NTM: variants seen among roughly 807,000 people sequenced by gnomAD.
The protein encoded by NTM is neurotrimin.
A neutral mutation model predicts 42.1 loss-of-function variants in NTM; 13 were observed. The observed-to-expected ratio is 0.31, with a 90% CI of 0.20 to 0.49. NTM has a LOEUF of 0.49. Ranked by LOEUF, NTM falls within the 20% of genes least tolerant of loss-of-function variation. The pLI is 0.99. For missense variants in NTM, 373 were observed against 452.8 expected (o/e 0.82, Z 1.60); for synonymous variants, 187 against 179.2 (o/e 1.04, Z -0.35).
At chr11:132,186,044 G>T (rs2078343594) in intron 3 of NTM, among the ~76,000 whole-genome samples, 1 of 152,196 alleles carries the variant, frequency 6.6e-6, no homozygotes, top group African/African-American at 2.4e-5. Context: ...AAAGAGTTCT[G>T]CCTTAGATAG....
intron 3 of NTM, among the ~76,000 whole-genome samples, chr11:132,175,854 C>A (rs117876308): frequency 2.0e-5 from 3 of 152,170 alleles, no homozygotes; most frequent in Non-Finnish European, 4.4e-5. Flanking sequence ...CAGGAAAATT[C>A]TCGGGTTCCC....
intron 7 of NTM, among the ~76,000 whole-genome samples, chr11:132,328,494 CTTTG>C (rs2095732813): frequency 6.6e-6 from 1 of 151,766 alleles, no homozygotes; most frequent in Admixed American, 6.6e-5. Context: ...TTGGGGGGGT[CTTTG>C]TTTATAGAAA....
intron 1 of NTM, among the ~76,000 whole-genome samples, chr11:131,526,245 C>T (rs544949272): frequency 5.3e-5 from 8 of 152,288 alleles, no homozygotes; most frequent in Admixed American, 2.6e-4. Context: ...TTTACTGCAG[C>T]GCAGTAGAAA....
chr11:132,118,056 A>T (rs2064152007), intron 2 of NTM, among the ~76,000 whole-genome samples: 1 of 152,238 alleles, frequency 6.6e-6, no homozygotes, highest in African/African-American at 2.4e-5. Flanking sequence ...TAGTAGATTA[A>T]TTGCAACATA....
intron 1 of NTM, among the ~76,000 whole-genome samples, chr11:131,607,418 C>T (rs369260886): frequency 1.6e-4 from 24 of 152,138 alleles, no homozygotes; most frequent in Admixed American, 2.0e-4. Context: ...GGGTCACATC[C>T]GTGGCCAAAG....
chr11:131,573,800 G>A (rs2057679033), intron 1 of NTM, among the ~76,000 whole-genome samples: 1 of 152,118 alleles, frequency 6.6e-6, no homozygotes, highest in Admixed American at 6.5e-5. Context: ...CTGAAGGCAG[G>A]CTACTCAGTC....
At chr11:131,470,562 T>A (rs1212416546) in intron 1 of NTM, among the ~76,000 whole-genome samples, 2 of 152,166 alleles carry the variant, frequency 1.3e-5, no homozygotes, top group Non-Finnish European at 2.9e-5. Context: ...AGTGAGATAG[T>A]CCAGAGCAGC....
In NTM at chr11:132,314,538, TTTG is replaced by T. The variant is rs779608531; in HGVS notation, c.783-11_783-9del. 1 of 1,603,316 alleles carries T rather than the reference TTTG, an allele frequency of 6.2e-7. No individual in the cohort carries two copies. The highest frequency in any genetic ancestry group is 1.1e-5 in the South Asian group (1 of 88,674). On this transcript the variant is annotated splice_polypyrimidine_tract_variant and intron_variant, in intron 6 of 8. Coordinates refer to ENST00000683400, the MANE Select transcript of NTM (RefSeq NM_001352005.2). ...CATCTTGTTTTCTTCTTTTTTGTCT[TTTG>T]TTTCTCTCAGACTGATTGAAGGAAA... is the stretch of plus-strand genomic sequence containing the variant.
At chr11:131,580,777 G>C (rs77932256) in intron 1 of NTM, among the ~76,000 whole-genome samples, 1 of 152,086 alleles carries the variant, frequency 6.6e-6, no homozygotes, top group Non-Finnish European at 1.5e-5. Flanking sequence ...CATCATGCTT[G>C]TCCCATTCAT....
chr11:132,172,361 A>T (rs941856455), intron 3 of NTM, among the ~76,000 whole-genome samples: 7 of 152,156 alleles, frequency 4.6e-5, no homozygotes, highest in Non-Finnish European at 8.8e-5. Flanking sequence ...AGTTCTTCTC[A>T]TCTACCTCAC....
intron 1 of NTM, among the ~76,000 whole-genome samples, chr11:131,568,297 G>A (rs1181081935): frequency 6.6e-6 from 1 of 152,202 alleles, no homozygotes; most frequent in Non-Finnish European, 1.5e-5. Context: ...CAGTCCTCTT[G>A]CAAGACAGTG....
At chr11:131,899,560 G>T (rs659910) in intron 1 of NTM, among the ~76,000 whole-genome samples, 57,405 of 151,984 alleles carry the variant, frequency 0.38, 12,878 homozygotes, top group African/African-American at 0.64. Context: ...TCAGATGTCC[G>T]AGTTACCTGC....
chr11:131,583,776 G>A (rs2058620873), intron 1 of NTM, among the ~76,000 whole-genome samples: 1 of 152,070 alleles, frequency 6.6e-6, no homozygotes, highest in Non-Finnish European at 1.5e-5. Context: ...TCACAAACTG[G>A]GGCCAAGGAA....
At chr11:132,175,727 A>G (rs2076710590) in intron 3 of NTM, among the ~76,000 whole-genome samples, 1 of 151,990 alleles carries the variant, frequency 6.6e-6, no homozygotes. Flanking sequence ...AGCTGGGACT[A>G]CAGGTGCCCG....
chr11:131,437,492 G>T (rs973276398), intron 1 of NTM, among the ~76,000 whole-genome samples: 1 of 152,152 alleles, frequency 6.6e-6, no homozygotes, highest in Non-Finnish European at 1.5e-5. Flanking sequence ...TATATATTTA[G>T]GATAGTTAGC....
At chr11:131,921,770 C>A (rs920140) in intron 2 of NTM, among the ~76,000 whole-genome samples, 2,407 of 152,194 alleles carry the variant, frequency 0.016, 67 homozygotes, top group African/African-American at 0.055. Context: ...CATTACAAAT[C>A]CTAAAGAAGC....
At chr11:131,394,450 G>A (rs1944337054) in intron 1 of NTM, among the ~76,000 whole-genome samples, 1 of 152,168 alleles carries the variant, frequency 6.6e-6, no homozygotes, top group South Asian at 2.1e-4. Context: ...GAAGGAGAGA[G>A]GCTGGGTGCT....
chr11:132,111,690 A>C (rs2136756993), intron 2 of NTM, among the ~76,000 whole-genome samples: 1 of 152,358 alleles, frequency 6.6e-6, no homozygotes, highest in Non-Finnish European at 1.5e-5. Flanking sequence ...GATTCCTCAG[A>C]CATCAAAGTC....
chr11:131,444,206 A>G (rs984808465), intron 1 of NTM, among the ~76,000 whole-genome samples: 1 of 104,242 alleles, frequency 9.6e-6, no homozygotes, highest in African/African-American at 4.1e-5. Context: ...TTAGAACCAA[A>G]AAAAAAAAAA....
Sources: allele counts gnomAD v4.1 joint callset (sites outside exome capture counted in the v4.1 genomes callset), GRCh38; gene constraint gnomAD v4.1.1; transcripts MANE v1.5; gene names NCBI Gene and HGNC (gene_info 2026-07-23, HGNC 2026-07-21).